CSH1: variants seen among roughly 807,000 people sequenced by gnomAD.
CSH1 encodes chorionic somatomammotropin hormone 1.
In CSH1, 17 loss-of-function variants were observed where a neutral mutation model predicts 19.4. The ratio of observed to expected loss-of-function variants is 0.88; its 90% confidence interval spans 0.60 to 1.31. The LOEUF is 1.31. CSH1 is among the 40% of genes most tolerant of loss of function. The pLI is 0.00. For missense variants in CSH1, 190 were observed against 243.1 expected (o/e 0.78, Z 1.45); for synonymous variants, 72 against 104.6 (o/e 0.69, Z 1.90).
intron 4 of CSH1, 36 bp downstream of exon 4, chr17:63,895,437 G>C (rs555607168): frequency 3.1e-6 from 5 of 1,612,936 alleles, no homozygotes; most frequent in Middle Eastern, 1.7e-4. Flanking sequence ...AAGCCAGTGG[G>C]GTTCCAGGAT....
Position 63,896,556 on chromosome 17 carries a change from G to T in CSH1, c.-45C>A. Reference sequence around the variant, plus strand: ...CACAGGACCCTGAGTGGTTCGGGGAGTTGGGCCTTGGGATCCTAGAGCCGG... The same window carrying T: ...CACAGGACCCTGAGTGGTTCGGGGATTTGGGCCTTGGGATCCTAGAGCCGG... On this transcript the variant is annotated 5_prime_UTR_variant, in exon 1 of 5. Coordinates refer to ENST00000316193, the MANE Select transcript of CSH1 (RefSeq NM_001317.6). 6.2e-7 allele frequency: 1 copy of T among 1,613,384 alleles called. No individual in the cohort carries two copies. The highest frequency in any genetic ancestry group is 8.5e-7 in the Non-Finnish European group (1 of 1,179,464).
intron 4 of CSH1, 124 bp from the exon 5 acceptor site, chr17:63,895,343 G>A (rs945517620): frequency 4.3e-6 from 7 of 1,612,768 alleles, no homozygotes; most frequent in African/African-American, 4.0e-5. Flanking sequence ...TTCACCAGGC[G>A]AAATGAAGAA....
At position 63,895,041 on chromosome 17, in the gene CSH1, T is replaced by A. The variant is rs1166688469; in HGVS notation, c.635A>T (p.Glu212Val). Residue 212 changes from glutamate (E) to valine (V), a missense_variant, in exon 5 of 5, where the codon GAG becomes GTG. By Grantham distance (121) the Glu-to-Val change is moderately radical. This residue lies in a region of CSH1 where 175 missense variants were observed against 187.2 expected (regional missense o/e 0.93). Transcript: ENST00000316193. ...GGGCACCTAGAAGCCACAGCTGCCC[T>A]CCACAGAGCGGCACTGCACCATGCG... ...FLRMVQCRSV[E>V]GSCGF 1.9e-6 allele frequency: 3 copies of A among 1,612,936 alleles called. No individual in the cohort carries two copies. The highest frequency in any genetic ancestry group is 2.5e-6 in the Non-Finnish European group (3 of 1,179,660).
At chr17:63,895,682 G>A (rs1465222165) in intron 3 of CSH1, 45 bp from the exon 4 acceptor site, 1 of 1,397,618 alleles carries the variant, frequency 7.2e-7, no homozygotes, top group Non-Finnish European at 9.5e-7. Context: ...CGGGAGCCCT[G>A]ACCACAGGTC....
chr17:63,895,426 G>A (rs2320124), intron 4 of CSH1, 47 bp downstream of exon 4: 3 of 1,612,382 alleles, frequency 1.9e-6, no homozygotes, highest in Non-Finnish European at 1.7e-6. Flanking sequence ...CCCAGCCCTC[G>A]AAGCCAGTGG....
At chr17:63,896,414 C>T (rs1396648970) in intron 1 of CSH1, 88 bp downstream of exon 1, 1 of 1,587,448 alleles carries the variant, frequency 6.3e-7, no homozygotes, top group Non-Finnish European at 8.6e-7. Flanking sequence ...AGCCCCAAAC[C>T]TGAGGGTTAG....
In CSH1 at chr17:63,894,950, G is replaced by A. The variant is rs1050899; in HGVS notation, c.*72C>T. ...ACTTAATTTTATTAGGACAAGGCTGGTGGGCACTGGAGTGGCACCTTCAGG... is the reference window on the plus strand; with the variant it reads ...ACTTAATTTTATTAGGACAAGGCTGATGGGCACTGGAGTGGCACCTTCAGG... On this transcript the variant is annotated 3_prime_UTR_variant, in exon 5 of 5. Transcript: ENST00000316193. 1.1e-4 allele frequency: 172 copies of A among 1,608,938 alleles called. No individual in the cohort carries two copies. In the Middle Eastern group the frequency reaches 1.8e-3, roughly 17 times the overall value.
At chr17:63,896,297 C>A (rs967404296) in intron 1 of CSH1, 62 bp from the exon 2 acceptor site, 1 of 1,591,994 alleles carries the variant, frequency 6.3e-7, no homozygotes, top group Non-Finnish European at 8.5e-7. Context: ...GCTCTCCCTG[C>A]TCCAGGAGCT....
rs1216065540 is a variant in CSH1, at chr17:63,895,862, A to AC, written c.172-13dup. 7 of 481,128 alleles carry AC rather than the reference A, an allele frequency of 1.5e-5. No individual in the cohort carries two copies. Among genetic ancestry groups the AC allele is most frequent in the Middle Eastern group, 4.8e-4 (1 of 2,078 alleles). The allele number at this position is 481,128 out of a possible 1,614,324, so 29.8% of individuals were successfully genotyped here. Reference sequence around the variant, plus strand: ...ATATAGGTTTCTTCCTAGGAGAAGGACCCCCCACCAAGAAGGACTGCTGGT... The same window carrying AC: ...ATATAGGTTTCTTCCTAGGAGAAGGACCCCCCCACCAAGAAGGACTGCTGGT... On this transcript the variant is annotated splice_polypyrimidine_tract_variant and intron_variant, in intron 2 of 4. Transcript: ENST00000316193.
intron 1 of CSH1, 27 bp from the exon 2 acceptor site, chr17:63,896,262 G>A: frequency 1.3e-6 from 2 of 1,545,116 alleles, no homozygotes; most frequent in South Asian, 2.4e-5. Flanking sequence ...GGGCAATGGA[G>A]GGAGCCGGAG....
chr17:63,895,303 C>G, intron 4 of CSH1, 84 bp from the exon 5 acceptor site: 2 of 1,612,788 alleles, frequency 1.2e-6, no homozygotes, highest in Non-Finnish European at 1.7e-6. Flanking sequence ...TCCTCCCTCC[C>G]CTTCAGGGTG....
Position 63,895,497 on chromosome 17 carries a change from C to T in CSH1, c.432G>A (p.Glu144=), listed in dbSNP as rs1349539704. ...SDDYHLLKDL[E]EGIQTLMGRL... is the part of the protein sequence containing the mutation. ...CCCCCATCAGCGTTTGGATGCCTTC[C>T]TCTAGGTCCTTTAGGAGGTGATAGT... Residue 144 remains glutamate (E), a synonymous_variant, in exon 4 of 5, where the codon GAG becomes GAA. Transcript: ENST00000316193. 1 of 1,612,184 alleles carries T rather than the reference C, an allele frequency of 6.2e-7. No individual in the cohort carries two copies. The highest frequency in any genetic ancestry group is 1.1e-5 in the South Asian group (1 of 91,048).
In CSH1 at chr17:63,895,559, C is replaced by G. The variant is rs757019619; in HGVS notation, c.370G>C (p.Ala124Pro). Reference sequence around the variant, plus strand: ...GAGGTGTCATACACCAGGTTGTTGGCGAACATACTCCTGAGGAACCGCACG... The same window carrying G: ...GAGGTGTCATACACCAGGTTGTTGGGGAACATACTCCTGAGGAACCGCACG... ...EPVRFLRSMFANNLVYDTSDS... is the reference protein window; with the variant it reads ...EPVRFLRSMFPNNLVYDTSDS... The change falls in exon 4 of 5, where the codon GCC (alanine) becomes CCC (proline). Residue 124 changes from alanine (A) to proline (P), a missense_variant. Physicochemically the swap from Ala to Pro is conservative, Grantham distance 27. This residue lies in a region of CSH1 where 175 missense variants were observed against 187.2 expected (regional missense o/e 0.93). Coordinates refer to ENST00000316193, the MANE Select transcript of CSH1 (RefSeq NM_001317.6). 1 of 1,603,850 alleles carries G rather than the reference C, an allele frequency of 6.2e-7. No homozygotes were observed. The highest frequency in any genetic ancestry group is 1.1e-5 in the South Asian group (1 of 90,574).
chr17:63,895,051 G>C lies in CSH1; in HGVS notation c.625C>G (p.Arg209Gly). ...AAGCCACAGCTGCCCTCCACAGAGC[G>C]GCACTGCACCATGCGCAGGAATGTC... ...VETFLRMVQC[R>G]SVEGSCGF is the part of the protein sequence containing the mutation. Residue 209 changes from arginine to glycine, a missense_variant, in exon 5 of 5, where the codon CGC (arginine) becomes GGC (glycine). This residue lies in a region of CSH1 where 175 missense variants were observed against 187.2 expected (regional missense o/e 0.93). Transcript: ENST00000316193. 1 of 1,612,996 alleles carries C rather than the reference G, an allele frequency of 6.2e-7. No individual in the cohort carries two copies. Among genetic ancestry groups the C allele is most frequent in the Non-Finnish European group, 8.5e-7 (1 of 1,179,650 alleles).
Position 63,895,079 on chromosome 17 carries a change from G to T in CSH1, c.597C>A (p.Val199=). The T allele has an allele frequency of 1.2e-6, 2 of 1,612,862 alleles. No individual in the cohort carries two copies. The highest frequency in any genetic ancestry group is 1.7e-6 in the Non-Finnish European group (2 of 1,179,636). ...LYCFRKDMDK[V]ETFLRMVQCR... is the part of the protein sequence containing the mutation. ...ACTGCACCATGCGCAGGAATGTCTC[G>T]ACCTTGTCCATGTCCTTCCTGAAGC... Residue 199 remains valine (V), a synonymous_variant, in exon 5 of 5, where the codon GTC becomes GTA. Transcript: ENST00000316193.
In CSH1 at chr17:63,894,958, T is replaced by C; in HGVS notation, c.*64A>G. On this transcript the variant is annotated 3_prime_UTR_variant, in exon 5 of 5. Coordinates refer to ENST00000316193, the MANE Select transcript of CSH1 (RefSeq NM_001317.6). ...TTATTAGGACAAGGCTGGTGGGCAC[T>C]GGAGTGGCACCTTCAGGGCCAGGAG... 1 of 1,611,984 alleles carries C rather than the reference T, an allele frequency of 6.2e-7. No individual in the cohort carries two copies. Among genetic ancestry groups the C allele is most frequent in the East Asian group, 2.2e-5 (1 of 44,864 alleles).
chr17:63,896,558 T>G lies in CSH1; in HGVS notation c.-47A>C. On this transcript the variant is annotated 5_prime_UTR_variant, in exon 1 of 5. Coordinates refer to ENST00000316193, the MANE Select transcript of CSH1 (RefSeq NM_001317.6). ...CAGGACCCTGAGTGGTTCGGGGAGT[T>G]GGGCCTTGGGATCCTAGAGCCGGTC... 3 of 1,611,998 alleles carry G rather than the reference T, an allele frequency of 1.9e-6. No individual in the cohort carries two copies. The highest frequency in any genetic ancestry group is 2.5e-6 in the Non-Finnish European group (3 of 1,179,428).
At position 63,894,976 on chromosome 17, in the gene CSH1, G is replaced by A. The variant is rs1156613197; in HGVS notation, c.*46C>T. 1 of 1,612,718 alleles carries A rather than the reference G, an allele frequency of 6.2e-7. No homozygotes were observed. The highest frequency in any genetic ancestry group is 8.5e-7 in the Non-Finnish European group (1 of 1,179,510). ...TGGGCACTGGAGTGGCACCTTCAGG[G>A]CCAGGAGAGGCACTGGGGAGGGGTC... On this transcript the variant is annotated 3_prime_UTR_variant, in exon 5 of 5. Coordinates refer to ENST00000316193, the MANE Select transcript of CSH1 (RefSeq NM_001317.6).
Position 63,894,959 on chromosome 17 carries a change from G to A in CSH1, c.*63C>T. On this transcript the variant is annotated 3_prime_UTR_variant, in exon 5 of 5. Transcript: ENST00000316193. ...TATTAGGACAAGGCTGGTGGGCACT[G>A]GAGTGGCACCTTCAGGGCCAGGAGA... The A allele has an allele frequency of 1.9e-6, 3 of 1,611,984 alleles. No individual in the cohort carries two copies. The highest frequency in any genetic ancestry group is 2.5e-6 in the Non-Finnish European group (3 of 1,178,858).
Sources: allele counts gnomAD v4.1 joint callset, GRCh38; gene constraint gnomAD v4.1.1; regional missense constraint gnomAD v4.1.1; transcripts MANE v1.5; gene names NCBI Gene and HGNC (gene_info 2026-07-23, HGNC 2026-07-21).